DSG2: variants seen among roughly 807,000 people sequenced by gnomAD.
DSG2 encodes the protein desmoglein 2.
A neutral mutation model predicts 75.6 loss-of-function variants in DSG2; 45 were observed. The ratio of observed to expected loss-of-function variants is 0.60; its 90% CI spans 0.47 to 0.76. DSG2 has a LOEUF of 0.76. Ranked by LOEUF, DSG2 falls within the 30% of genes least tolerant of loss-of-function variation. The pLI is 0.00. For synonymous variants in DSG2, 429 were observed against 483.9 expected, an observed-to-expected ratio of 0.89 and a Z score of 1.49; for missense variants, 1,267 against 1,357.4, an observed-to-expected ratio of 0.93 and a Z score of 1.05.
chr18:31,545,342 A>G (rs1001641307), intron 14 of DSG2, among the ~76,000 whole-genome samples: 1 of 152,210 alleles, frequency 6.6e-6, no homozygotes, highest in East Asian at 1.9e-4. Context: ...TTACATTACT[A>G]TAGTACAGTT....
At position 31,546,930 on chromosome 18, in the gene DSG2, T is replaced by A; in HGVS notation, c.*187T>A. 1.4e-6 allele frequency: 1 copy of A among 697,790 alleles called. No homozygotes were observed. Among genetic ancestry groups the A allele is most frequent in the Non-Finnish European group, 2.5e-6 (1 of 396,176 alleles). 43.2% of individuals were successfully genotyped at this position (697,790 alleles called of 1,614,324 possible). On this transcript the variant is annotated 3_prime_UTR_variant, in exon 15 of 15. Transcript: ENST00000261590. ...TCTGCTTCCAGGAGTATTTTAGAAA[T>A]GTTCCACAATTTACTGAAGACATAG...
intron 4 of DSG2, 26 bp from the exon 5 acceptor site, chr18:31,521,073 T>C: frequency 6.2e-7 from 1 of 1,613,672 alleles, no homozygotes; most frequent in Non-Finnish European, 8.5e-7. Context: ...AGCTTAAATC[T>C]AATCTTATTT....
chr18:31,507,430 T>C (rs992057377), intron 1 of DSG2, among the ~76,000 whole-genome samples: 2 of 152,252 alleles, frequency 1.3e-5, no homozygotes, highest in African/African-American at 4.8e-5. Context: ...TATAATCTTA[T>C]GGGTATATAC....
At chr18:31,508,347 TG>T (rs1367959620) in intron 1 of DSG2, among the ~76,000 whole-genome samples, 1 of 150,630 alleles carries the variant, frequency 6.6e-6, no homozygotes, top group Non-Finnish European at 1.5e-5. Context: ...GTTACTGAAC[TG>T]CCTGATTTAT....
intron 14 of DSG2, chr18:31,543,058 G>A: frequency 6.0e-6 from 3 of 498,272 alleles, no homozygotes; most frequent in Non-Finnish European, 7.0e-6. Flanking sequence ...TTATGCTGCA[G>A]TAACCATGAT....
Position 31,498,266 on chromosome 18 carries a change from G to C in DSG2, c.15G>C (p.Pro5=), listed in dbSNP as rs772663614. Residue 5 remains proline, a synonymous_variant, in exon 1 of 15, where the codon CCG becomes CCC. Transcript: ENST00000261590. MARS[P]GRAYALLLLL... is the part of the protein sequence containing the mutation. ...GCGAGGGTGCGATGGCGCGGAGCCC[G>C]GGACGCGCGTACGCCCTGCTGCTTC... is the stretch of plus-strand genomic sequence containing the variant. 123 of 1,262,756 alleles carry C rather than the reference G, an allele frequency of 9.7e-5. No homozygotes were observed. Among genetic ancestry groups the C allele is most frequent in the Middle Eastern group, 6.8e-4 (3 of 4,440 alleles). The allele number at this position is 1,262,756 out of a possible 1,614,324, so 78.2% of individuals were successfully genotyped here. A position where few individuals can be genotyped will look rare whatever the true frequency, so the allele number is the denominator to read the frequency against.
At chr18:31,505,596 A>T (rs2144290498) in intron 1 of DSG2, among the ~76,000 whole-genome samples, 1 of 151,438 alleles carries the variant, frequency 6.6e-6, no homozygotes, top group East Asian at 1.9e-4. Context: ...AATGATATGG[A>T]TTTCATGTGT....
intron 11 of DSG2, 43 bp from the exon 12 acceptor site, chr18:31,538,708 G>A: frequency 6.7e-7 from 1 of 1,496,752 alleles, no homozygotes; most frequent in Non-Finnish European, 9.3e-7. Flanking sequence ...CTCATCCTTG[G>A]TAATCGTTCG....
chr18:31,542,663 T>C lies in DSG2; in HGVS notation c.2145T>C (p.Asp715=). 1 of 1,614,000 alleles carries C rather than the reference T, an allele frequency of 6.2e-7. No individual in the cohort carries two copies. ...VKGQHEMSEM[D]GRWEEHRSLL... is the part of the protein sequence containing the mutation. ...GGCAACATGAGATGTCCGAGATGGA[T>C]GGAAGGTGGGAAGAACACAGAAGCC... Residue 715 remains aspartate (D), a synonymous_variant, in exon 14 of 15, where the codon GAT becomes GAC. Coordinates refer to ENST00000261590, the MANE Select transcript of DSG2 (RefSeq NM_001943.5).
rs547741894 is a variant in DSG2, at chr18:31,546,144, G to T, written c.2758G>T (p.Val920Leu). Residue 920 changes from valine to leucine, a missense_variant, in exon 15 of 15, where the codon GTA becomes TTA. Transcript: ENST00000261590. ...RSVSSRQAQKVATPLPDPMAS... is the reference protein window; with the variant it reads ...RSVSSRQAQKLATPLPDPMAS... Reference sequence around the variant, plus strand: ...TGTGTCTTCTAGGCAGGCGCAAAAGGTAGCTACACCTCTTCCTGACCCAAT... The same window carrying T: ...TGTGTCTTCTAGGCAGGCGCAAAAGTTAGCTACACCTCTTCCTGACCCAAT... 2 of 1,614,150 alleles carry T rather than the reference G, an allele frequency of 1.2e-6. No homozygotes were observed. Among genetic ancestry groups the T allele is most frequent in the South Asian group, 2.2e-5 (2 of 91,080 alleles).
At chr18:31,538,666 A>G (rs1197492670) in intron 11 of DSG2, 85 bp from the exon 12 acceptor site, 1 of 1,071,900 alleles carries the variant, frequency 9.3e-7, no homozygotes. Flanking sequence ...TACAATCAGC[A>G]ATGAAAGAAC....
intron 3 of DSG2, 77 bp from the exon 4 acceptor site, chr18:31,520,726 T>C: frequency 6.8e-7 from 1 of 1,472,352 alleles, no homozygotes; most frequent in South Asian, 1.2e-5. Context: ...GAATCACTTC[T>C]TAGGCTTTTG....
chr18:31,542,505 T>G lies in DSG2; in HGVS notation c.2002-15T>G, dbSNP rs568996884. On this transcript the variant is annotated splice_polypyrimidine_tract_variant and intron_variant, in intron 13 of 14. Transcript: ENST00000261590. ...ATCCTCCTGACTCAGTTCTCAGCTGTGTTTGCTCTCACAGGTGGTGCCATC... is the reference window on the plus strand; with the variant it reads ...ATCCTCCTGACTCAGTTCTCAGCTGGGTTTGCTCTCACAGGTGGTGCCATC... 1 of 1,613,336 alleles carries G rather than the reference T, an allele frequency of 6.2e-7. No individual in the cohort carries two copies. The highest frequency in any genetic ancestry group is 8.5e-7 in the Non-Finnish European group (1 of 1,179,834).
chr18:31,518,830 T>C (rs1304530728), intron 2 of DSG2, among the ~76,000 whole-genome samples: 2 of 152,122 alleles, frequency 1.3e-5, no homozygotes, highest in East Asian at 3.8e-4. Flanking sequence ...CCAAACCTAG[T>C]ATAAGGATTA....
chr18:31,499,395 C>A (rs527464389), intron 1 of DSG2, among the ~76,000 whole-genome samples: 1 of 150,166 alleles, frequency 6.7e-6, no homozygotes, highest in Admixed American at 6.6e-5. Flanking sequence ...TGTCTCAAAA[C>A]GGAAAAAGGC....
intron 10 of DSG2, 26 bp from the exon 11 acceptor site, chr18:31,536,176 C>A: frequency 6.2e-7 from 1 of 1,606,336 alleles, no homozygotes; most frequent in Admixed American, 1.7e-5. Context: ...ACAGAATGTA[C>A]ATACTTTTTC....
At chr18:31,517,874 T>G (rs1005772653) in intron 1 of DSG2, among the ~76,000 whole-genome samples, 2 of 151,998 alleles carry the variant, frequency 1.3e-5, no homozygotes, top group Admixed American at 1.3e-4. Context: ...TGGGGTACAT[T>G]ACATACTGGT....
intron 2 of DSG2, among the ~76,000 whole-genome samples, chr18:31,519,556 C>G (rs1483359260): frequency 2.0e-5 from 3 of 151,984 alleles, no homozygotes; most frequent in Non-Finnish European, 4.4e-5. Context: ...AAAGCAAGAC[C>G]CTGTCTCAAA....
intron 1 of DSG2, among the ~76,000 whole-genome samples, chr18:31,514,321 T>C (rs1338210336): frequency 6.6e-6 from 1 of 152,184 alleles, no homozygotes; most frequent in Non-Finnish European, 1.5e-5. Context: ...TTAAAAGAAA[T>C]GTGTGCTAGG....
Sources: allele counts gnomAD v4.1 joint callset (sites outside exome capture counted in the v4.1 genomes callset), GRCh38; gene constraint gnomAD v4.1.1; transcripts MANE v1.5; gene names NCBI Gene and HGNC (gene_info 2026-07-23, HGNC 2026-07-21).